Variants in DHX16 observed in about 807,000 individuals in gnomAD.
DHX16 encodes the protein DEAH-box helicase 16.
Under a neutral mutation model 131.2 loss-of-function variants are expected in DHX16, and 81 were observed. That is an observed-to-expected ratio of 0.62 (90% CI 0.52 to 0.74). The LOEUF is 0.74. Among genes scored for constraint, DHX16 ranks in the 30% least tolerant of loss-of-function variants. The pLI is 0.00. For missense variants in DHX16, 980 were observed against 1,363.1 expected (o/e 0.72, Z 4.43); for synonymous variants, 440 against 520.2 (o/e 0.85, Z 2.10).
chr6:30,671,338 TC>T (rs1769531734), intron 1 of DHX16, 64 bp from the exon 2 acceptor site: 1 of 1,464,720 alleles, frequency 6.8e-7, no homozygotes, highest in African/African-American at 1.4e-5. Flanking sequence ...CCCACTTAGC[TC>T]TGTTCCTAAT....
rs2127577431 is a variant in DHX16 at position 30,655,350 on chromosome 6, TA to T, written c.2662-15del. 1 of 1,613,762 alleles carries T rather than the reference TA, an allele frequency of 6.2e-7. No homozygotes were observed. Among genetic ancestry groups the T allele is most frequent in the Non-Finnish European group, 8.5e-7 (1 of 1,179,758 alleles). On this transcript the variant is annotated splice_polypyrimidine_tract_variant and intron_variant, in intron 17 of 19. Coordinates refer to ENST00000376442, the MANE Select transcript of DHX16 (RefSeq NM_003587.5). Reference sequence around the variant, plus strand: ...ACTCTCAGCCCACTGGGAAGACAGTTAAAAAGAAAGGAGAGATAATTAAGTA... The same window carrying T: ...ACTCTCAGCCCACTGGGAAGACAGTTAAAAGAAAGGAGAGATAATTAAGTA...
At position 30,665,216 on chromosome 6, in the gene DHX16, C is replaced by T. The variant is rs1347907322; in HGVS notation, c.980G>A (p.Arg327Gln). The change falls in exon 6 of 20, where the codon CGG becomes CAG. Residue 327 changes from arginine to glutamine, a missense_variant. Coordinates refer to ENST00000376442, the MANE Select transcript of DHX16 (RefSeq NM_003587.5). The surrounding 1 kb of genome is among the most constrained non-coding windows in gnomAD (Gnocchi z 4.8). ...EESGAPGEEQ[R>Q]RWEEARLGAA... ...CCCAAGCCGCGCCTCCTCCCAGCGCCGCTGCTCCTCCCCAGGGGCTCCTGA... is the reference window on the plus strand; with the variant it reads ...CCCAAGCCGCGCCTCCTCCCAGCGCTGCTGCTCCTCCCCAGGGGCTCCTGA... The T allele has an allele frequency of 1.9e-6, 3 of 1,607,484 alleles. No individual in the cohort carries two copies. Among genetic ancestry groups the T allele is most frequent in the African/African-American group, 2.7e-5 (2 of 75,016 alleles).
chr6:30,660,267 G>C, intron 9 of DHX16, 25 bp from the exon 10 acceptor site: 1 of 1,511,456 alleles, frequency 6.6e-7, no homozygotes, highest in East Asian at 2.3e-5. Flanking sequence ...GGAGAGCAAT[G>C]AGGGAAGAGC....
At chr6:30,655,077 CATGCTCTCACGCTGGAGGAA>C (rs1767846786) in intron 18 of DHX16, 78 bp downstream of exon 18, 1 of 1,519,120 alleles carries the variant, frequency 6.6e-7, no homozygotes, top group African/African-American at 1.4e-5. Flanking sequence ...GGGAAGAGGG[CATGCTCTCACGCTGGAGGAA>C]ATGCTGCATG....
At chr6:30,660,396 T>G in intron 9 of DHX16, 154 bp from the exon 10 acceptor site, 1 of 567,566 alleles carries the variant, frequency 1.8e-6, no homozygotes, top group South Asian at 4.0e-5. Flanking sequence ...GCCATCCCAC[T>G]TATGTAGAGC....
chr6:30,666,303 G>A (rs534969477), intron 4 of DHX16, among the ~76,000 whole-genome samples: 1 of 152,186 alleles, frequency 6.6e-6, no homozygotes, highest in Admixed American at 6.6e-5. Context: ...TGTAATCAGG[G>A]ATGTTTGGCT....
intron 4 of DHX16, among the ~76,000 whole-genome samples, chr6:30,669,744 T>TAAAAAAAAAA (rs953317689): frequency 1.8e-5 from 2 of 113,820 alleles, no homozygotes; most frequent in Non-Finnish European, 1.8e-5. Context: ...AAAAAAGGTT[T>TAAAAAAAAAA]AAAAAAAAAA....
At chr6:30,667,334 G>A (rs1164917990) in intron 4 of DHX16, among the ~76,000 whole-genome samples, 2 of 152,054 alleles carry the variant, frequency 1.3e-5, no homozygotes, top group Admixed American at 6.5e-5. Flanking sequence ...TGTAATCCCA[G>A]CACTTTGGGA....
Position 30,659,455 on chromosome 6 carries a change from G to C in DHX16, c.2007+17C>G, listed in dbSNP as rs1205255547. 8 of 1,574,824 alleles carry C rather than the reference G, an allele frequency of 5.1e-6. No individual in the cohort carries two copies. In the East Asian group the frequency reaches 1.6e-4, roughly 32 times the overall value. The stretch of plus-strand genomic sequence containing the variant: ...TGGGAAGCATAGGGGTGAAGAGTGT[G>C]GGTTTCTCCAACTGACCTTTCGTGC... On this transcript the variant is annotated intron_variant, in intron 12 of 19. Coordinates refer to ENST00000376442, the MANE Select transcript of DHX16 (RefSeq NM_003587.5).
At chr6:30,653,437 T>A (rs750657160) in intron 19 of DHX16, 67 bp from the exon 20 acceptor site, 18 of 1,522,378 alleles carry the variant, frequency 1.2e-5, no homozygotes, top group Non-Finnish European at 1.6e-5. Flanking sequence ...GTTGTTATTT[T>A]TTTTTCTTAA....
In DHX16 at chr6:30,653,135, C is replaced by G; in HGVS notation, c.*107G>C. On this transcript the variant is annotated 3_prime_UTR_variant, in exon 20 of 20. Coordinates refer to ENST00000376442, the MANE Select transcript of DHX16 (RefSeq NM_003587.5). The stretch of plus-strand genomic sequence containing the variant: ...TTTCACATATCACTTTCTCTAGATC[C>G]CAAATGTTCCCACAAGCTTTATTCC... 7.3e-7 allele frequency: 1 copy of G among 1,370,498 alleles called. No homozygotes were observed. The highest frequency in any genetic ancestry group is 1.4e-5 in the South Asian group (1 of 68,976). The allele number at this position is 1,370,498 out of a possible 1,614,324, so 84.9% of individuals were successfully genotyped here. A position where few individuals can be genotyped will look rare whatever the true frequency, so the allele number is the denominator to read the frequency against.
rs1224612482 is a variant in DHX16 at position 30,654,813 on chromosome 6, G to A, written c.2890C>T (p.Gln964Ter). The change falls in exon 19 of 20, where the codon CAG becomes TAG. Residue 964 changes from glutamine to a stop codon, truncating the protein, a stop_gained. Coordinates refer to ENST00000376442, the MANE Select transcript of DHX16 (RefSeq NM_003587.5). LOFTEE classifies it high-confidence loss of function. ...GGATGAATGAAGACTGTCTGCTGCT[G>A]TTTCACTGTGCGGTAGCCACTCCGA... ...LTRSGYRTVK[Q>*]QQTVFIHPNS... The A allele has an allele frequency of 6.2e-7, 1 of 1,612,612 alleles. No individual in the cohort carries two copies. Among genetic ancestry groups the A allele is most frequent in the Non-Finnish European group, 8.5e-7 (1 of 1,180,042 alleles).
Position 30,670,584 on chromosome 6 carries a change from T to G in DHX16, c.610-118A>C, listed in dbSNP as rs1769442117. On this transcript the variant is annotated intron_variant, in intron 3 of 19. Coordinates refer to ENST00000376442, the MANE Select transcript of DHX16 (RefSeq NM_003587.5). This position sits in a 1 kb window ranked among gnomAD's most constrained non-coding sequence, Gnocchi z 4.4. ...GCGCCCTAACACAAAAAATGTCCCC[T>G]CTCAGTGAGGAATCTCTCTGATTGC... 7.9e-7 allele frequency: 1 copy of G among 1,261,606 alleles called. No individual in the cohort carries two copies. Among genetic ancestry groups the G allele is most frequent in the African/African-American group, 1.5e-5 (1 of 66,710 alleles). The allele number at this position is 1,261,606 out of a possible 1,614,324, so 78.2% of individuals were successfully genotyped here.
intron 7 of DHX16, 33 bp from the exon 8 acceptor site, chr6:30,663,054 C>T: frequency 6.4e-7 from 1 of 1,558,874 alleles, no homozygotes; most frequent in Admixed American, 1.9e-5. Context: ...GAAGTTTGCC[C>T]TTTACTAAAT....
At position 30,670,770 on chromosome 6, in the gene DHX16, A is replaced by C. The variant is rs143682383; in HGVS notation, c.609+20T>G. The C allele has an allele frequency of 1.2e-4, 198 of 1,612,448 alleles. 2 individuals carry two copies. In the African/African-American group the frequency reaches 2.1e-3, roughly 17 times the overall value. ...ACCCTGGGATCTTGGGGATTTACAG[A>C]ACATGCTGCTCCTATTCACCTTCTT... On this transcript the variant is annotated intron_variant, in intron 3 of 19. Transcript: ENST00000376442. This position sits in a 1 kb window ranked among gnomAD's most constrained non-coding sequence, Gnocchi z 4.4.
Position 30,673,002 on chromosome 6 carries a change from A to T in DHX16, c.-161T>A. 1 of 1,549,968 alleles carries T rather than the reference A, an allele frequency of 6.5e-7. No individual in the cohort carries two copies. The highest frequency in any genetic ancestry group is 1.2e-5 in the South Asian group (1 of 83,380). ...CGACATCCCAAAGCTGTCTTCCCGT[A>T]CCGCGGAGCCCGGAAGGGGCTGTAC... On this transcript the variant is annotated 5_prime_UTR_variant, in exon 1 of 20. Transcript: ENST00000376442.
intron 7 of DHX16, 128 bp from the exon 8 acceptor site, chr6:30,663,149 A>G (rs1180607426): frequency 5.5e-5 from 42 of 762,376 alleles, no homozygotes; most frequent in Non-Finnish European, 1.0e-5. Context: ...GATGCTGAAA[A>G]CCAGAAAAGA....
At chr6:30,661,809 G>A in intron 9 of DHX16, 1 of 717,784 alleles carries the variant, frequency 1.4e-6, no homozygotes, top group South Asian at 1.5e-5. Flanking sequence ...CTGGCTCGAT[G>A]GGCAAAAACA....
At position 30,664,919 on chromosome 6, in the gene DHX16, G is replaced by A. The variant is rs138855782; in HGVS notation, c.1199C>T (p.Pro400Leu). The A allele has an allele frequency of 1.9e-6, 3 of 1,613,710 alleles. No individual in the cohort carries two copies. The highest frequency in any genetic ancestry group is 2.5e-6 in the Non-Finnish European group (3 of 1,180,032). Residue 400 changes from proline to leucine, a missense_variant, in exon 7 of 20, where the codon CCG becomes CTG. Coordinates refer to ENST00000376442, the MANE Select transcript of DHX16 (RefSeq NM_003587.5). Reference protein sequence around the residue: ...ESIQAVRRSLPVFPFREELLA... With the variant: ...ESIQAVRRSLLVFPFREELLA... ...GAGCTCCTCTCGAAATGGGAACACC[G>A]GGAGGCTGCGGCGGACGGCCTGGAT...
Sources: allele counts gnomAD v4.1 joint callset (sites outside exome capture counted in the v4.1 genomes callset), GRCh38; gene constraint gnomAD v4.1.1; non-coding constraint Gnocchi (gnomAD v3.1); transcripts MANE v1.5; gene names NCBI Gene and HGNC (gene_info 2026-07-23, HGNC 2026-07-21).